Variants in RBFOX1 observed in about 807,000 individuals in gnomAD.
The protein encoded by RBFOX1 is RNA binding protein fox-1 homolog 1.
Under a neutral mutation model 57.7 loss-of-function variants are expected in RBFOX1, and 8 were observed. The ratio of observed to expected loss-of-function variants is 0.14; its 90% confidence interval spans 0.08 to 0.25. The LOEUF (loss-of-function observed/expected upper bound fraction) is 0.25, where lower values mean the gene tolerates loss of function less well. Among genes scored for constraint, RBFOX1 ranks in the 10% least tolerant of loss-of-function variants. RBFOX1 has a pLI of 1.00. For synonymous variants in RBFOX1, 326 were observed against 222.4 expected (o/e 1.47, Z -4.15); for missense variants, 611 against 548.5 (o/e 1.11, Z -1.14).
intron 4 of RBFOX1, among the ~76,000 whole-genome samples, chr16:7,193,937 C>A (rs28696374): frequency 0.02 from 2,996 of 151,802 alleles, 71 homozygotes; most frequent in African/African-American, 0.064. Context: ...AATATAGTAG[C>A]ATCTATCTCT....
At chr16:5,660,889 G>A (rs146981187) in intron 3 of RBFOX1, among the ~76,000 whole-genome samples, 5 of 152,276 alleles carry the variant, frequency 3.3e-5, no homozygotes, top group South Asian at 4.2e-4. Flanking sequence ...TAGCTGCTGC[G>A]TGTGCAAATT....
intron 1 of RBFOX1, among the ~76,000 whole-genome samples, chr16:6,237,136 C>T (rs1284503196): frequency 6.6e-6 from 1 of 152,220 alleles, no homozygotes; most frequent in African/African-American, 2.4e-5. Context: ...TAAAATCTTA[C>T]TGGAAGTCCC....
intron 4 of RBFOX1, among the ~76,000 whole-genome samples, chr16:7,395,385 A>G (rs1162970605): frequency 6.6e-6 from 1 of 152,248 alleles, no homozygotes; most frequent in African/African-American, 2.4e-5. Flanking sequence ...TTTAGTGGAG[A>G]TAAGCCGCTT....
intron 3 of RBFOX1, among the ~76,000 whole-genome samples, chr16:6,979,259 G>T (rs1254556823): frequency 1.3e-5 from 2 of 152,132 alleles, no homozygotes; most frequent in African/African-American, 2.4e-5. Context: ...CAGTTAAATA[G>T]TAAAAACCTT....
intron 2 of RBFOX1, among the ~76,000 whole-genome samples, chr16:6,517,484 T>C (rs1329674911): frequency 6.6e-6 from 1 of 152,182 alleles, no homozygotes; most frequent in African/African-American, 2.4e-5. Flanking sequence ...CAGTGTCTCC[T>C]GTCTCCCAGC....
chr16:6,698,846 C>A (rs1224495348), intron 3 of RBFOX1, among the ~76,000 whole-genome samples: 1 of 152,088 alleles, frequency 6.6e-6, no homozygotes, highest in Non-Finnish European at 1.5e-5. Flanking sequence ...TGTCCCCCAC[C>A]TTCTAGTTAA....
intron 4 of RBFOX1, among the ~76,000 whole-genome samples, chr16:7,327,734 C>G (rs73561889): frequency 0.03 from 4,608 of 152,174 alleles, 176 homozygotes; most frequent in African/African-American, 0.089. Context: ...TGTGGCTCAA[C>G]ATGCCTAGAT....
chr16:7,610,973 C>G (rs1186356425), intron 10 of RBFOX1, among the ~76,000 whole-genome samples: 1 of 151,850 alleles, frequency 6.6e-6, no homozygotes. Flanking sequence ...AATGAAGACC[C>G]CTTGTCATTG....
In RBFOX1 at chr16:6,501,086, C is replaced by T. The variant is rs1316911038; in HGVS notation, c.-63-153517C>T. On this transcript the variant is annotated intron_variant, in intron 2 of 15. Coordinates refer to ENST00000550418, the MANE Select transcript of RBFOX1 (RefSeq NM_018723.4). ...TGGACCCTATCCTGCTTGATGAGTT[C>T]AGAGGTCTTTCTGCTGAGCCTCTTT... Among the ~76,000 whole-genome samples, 7 of 149,230 alleles carry T rather than the reference C, an allele frequency of 4.7e-5. No homozygotes were observed. The Middle Eastern group carries it at 0.014, about 300-fold the overall frequency.
chr16:7,480,418 T>C (rs1328161322), intron 4 of RBFOX1, among the ~76,000 whole-genome samples: 2 of 152,242 alleles, frequency 1.3e-5, no homozygotes, highest in Non-Finnish European at 2.9e-5. Context: ...AGAAAATTTC[T>C]CGTTTCCACA....
chr16:7,128,311 C>T (rs1012089770), intron 4 of RBFOX1, among the ~76,000 whole-genome samples: 8 of 152,226 alleles, frequency 5.3e-5, no homozygotes, highest in African/African-American at 1.4e-4. Context: ...TACTTAACCC[C>T]ATTTTAATAT....
intron 4 of RBFOX1, among the ~76,000 whole-genome samples, chr16:5,869,750 G>A (rs537275419): frequency 6.6e-5 from 10 of 152,246 alleles, no homozygotes; most frequent in African/African-American, 2.2e-4. Context: ...AAAAAAGGAG[G>A]TCTGAGGAGT....
At chr16:5,681,483 G>A (rs1468868706) in intron 3 of RBFOX1, among the ~76,000 whole-genome samples, 2 of 149,560 alleles carry the variant, frequency 1.3e-5, no homozygotes, top group Non-Finnish European at 3.0e-5. Flanking sequence ...CCCCATCCCC[G>A]GTTCAAGTGA....
At chr16:6,896,495 C>A (rs894622582) in intron 3 of RBFOX1, among the ~76,000 whole-genome samples, 1 of 151,992 alleles carries the variant, frequency 6.6e-6, no homozygotes, top group Non-Finnish European at 1.5e-5. Flanking sequence ...CTTTTAGATC[C>A]CACTAATAAG....
At chr16:5,950,684 A>T (rs574675427) in intron 4 of RBFOX1, among the ~76,000 whole-genome samples, 2 of 152,128 alleles carry the variant, frequency 1.3e-5, no homozygotes, top group Non-Finnish European at 2.9e-5. Flanking sequence ...TCTTCCATCT[A>T]TGTCTCTTCC....
Position 6,510,913 on chromosome 16 carries a change from A to C in RBFOX1, c.-63-143690A>C, listed in dbSNP as rs544351586. On this transcript the variant is annotated intron_variant, in intron 2 of 15. Transcript: ENST00000550418. The stretch of plus-strand genomic sequence containing the variant: ...TTTAATACTTACTAGTGGCTGACTC[A>C]TAATTTTAAGCATGAAAGACAAGGA... 1.6e-3 allele frequency among the ~76,000 whole-genome samples: 251 copies of C among 152,158 alleles called. 2 individuals carry two copies. Among genetic ancestry groups the C allele is most frequent in the Admixed American group, 0.012 (177 of 15,288 alleles).
intron 3 of RBFOX1, among the ~76,000 whole-genome samples, chr16:5,851,906 G>T (rs2056906179): frequency 6.6e-6 from 1 of 152,060 alleles, no homozygotes; most frequent in African/African-American, 2.4e-5. Context: ...TACAACATTG[G>T]CTGGAGAGCA....
intron 12 of RBFOX1, among the ~76,000 whole-genome samples, chr16:7,655,759 A>T (rs1387191634): frequency 6.6e-6 from 1 of 152,218 alleles, no homozygotes; most frequent in Non-Finnish European, 1.5e-5. Context: ...GGGTTTTAGT[A>T]TATCTACCAT....
intron 1 of RBFOX1, among the ~76,000 whole-genome samples, chr16:6,043,602 G>A (rs1413541990): frequency 1.3e-5 from 2 of 152,200 alleles, no homozygotes; most frequent in Non-Finnish European, 2.9e-5. Context: ...CCCTTTTGGC[G>A]ATGGCCAGAA....
Sources: allele counts gnomAD v4.1 joint callset (sites outside exome capture counted in the v4.1 genomes callset), GRCh38; gene constraint gnomAD v4.1.1; transcripts MANE v1.5; gene names NCBI Gene and HGNC (gene_info 2026-07-23, HGNC 2026-07-21).